Variants in EIF3H observed in about 807,000 individuals in gnomAD.
EIF3H encodes the protein eIF-3-gamma.
EIF3H carries 26 observed loss-of-function variants against 44.2 expected under a neutral mutation model. The observed-to-expected ratio is 0.59, with a 90% CI of 0.43 to 0.82. EIF3H has a LOEUF of 0.82. Ranked by LOEUF, EIF3H falls within the 40% of genes least tolerant of loss-of-function variation. The probability of loss-of-function intolerance (pLI) is 0.00; values close to 1 mark genes in which losing one functional copy is unlikely to be tolerated. For synonymous variants in EIF3H, 166 were observed against 151.9 expected (o/e 1.09, Z -0.68); for missense variants, 359 against 432.8 (o/e 0.83, Z 1.51).
chr8:116,707,230 T>C (rs949600095), intron 2 of EIF3H, among the ~76,000 whole-genome samples: 2 of 152,192 alleles, frequency 1.3e-5, no homozygotes, highest in Non-Finnish European at 2.9e-5. Context: ...CTAAAAAATA[T>C]CAGTCCACAT....
intron 1 of EIF3H, among the ~76,000 whole-genome samples, chr8:116,750,017 T>C (rs1815300746): frequency 6.6e-6 from 1 of 152,420 alleles, no homozygotes; most frequent in African/African-American, 2.4e-5. Flanking sequence ...ATGAGATTAA[T>C]CTCTGGGTTC....
intron 2 of EIF3H, among the ~76,000 whole-genome samples, chr8:116,679,234 G>A (rs1813918718): frequency 4.8e-5 from 3 of 62,798 alleles, no homozygotes; most frequent in African/African-American, 5.3e-5. Context: ...CTGCCCGGCC[G>A]CCCCTACTGG....
chr8:116,717,198 T>C (rs747066287), intron 2 of EIF3H, among the ~76,000 whole-genome samples: 1 of 151,954 alleles, frequency 6.6e-6, no homozygotes, highest in East Asian at 1.9e-4. Context: ...AGCAAGGAGG[T>C]GAAAAACCTC....
chr8:116,678,039 A>G (rs992674842), intron 2 of EIF3H, among the ~76,000 whole-genome samples: 2 of 151,830 alleles, frequency 1.3e-5, no homozygotes, highest in Non-Finnish European at 2.9e-5. Flanking sequence ...TCTGATGCCG[A>G]GCCAAAGCTG....
At chr8:116,684,361 A>G (rs1814039185) in intron 2 of EIF3H, among the ~76,000 whole-genome samples, 1 of 152,222 alleles carries the variant, frequency 6.6e-6, no homozygotes, top group Non-Finnish European at 1.5e-5. Context: ...ATCCACTGTA[A>G]AACTGTTCTT....
chr8:116,678,163 T>G (rs12547824), intron 2 of EIF3H, among the ~76,000 whole-genome samples: 80,344 of 144,708 alleles, frequency 0.56, 23,390 homozygotes, highest in Non-Finnish European at 0.67. Context: ...CTGGTTTTCG[T>G]TTTTTTTTTT....
intron 7 of EIF3H, among the ~76,000 whole-genome samples, chr8:116,646,199 T>C (rs1813294383): frequency 6.6e-6 from 1 of 152,188 alleles, no homozygotes; most frequent in South Asian, 2.1e-4. Context: ...TTTTCTGGGT[T>C]TCCATGAAAA....
At chr8:116,673,943 G>A (rs1304575098) in intron 2 of EIF3H, among the ~76,000 whole-genome samples, 7 of 151,562 alleles carry the variant, frequency 4.6e-5, no homozygotes, top group South Asian at 4.2e-4. Context: ...GGTGGTGGGC[G>A]CCTGTAGTCC....
chr8:116,673,025 C>A (rs61462219), intron 2 of EIF3H, among the ~76,000 whole-genome samples: 139 of 110,772 alleles, frequency 1.3e-3, no homozygotes, highest in Admixed American at 5.4e-3. Context: ...AAAAAAAAAA[C>A]ACCACAAAAA....
intron 1 of EIF3H, chr8:116,737,415 G>T (rs1815060667): frequency 1.9e-5 from 7 of 370,946 alleles, no homozygotes; most frequent in Middle Eastern, 9.0e-4. Context: ...CAGCACTCTG[G>T]GAGGCTGAGG....
At chr8:116,707,862 G>A (rs376037929) in intron 2 of EIF3H, among the ~76,000 whole-genome samples, 3 of 152,124 alleles carry the variant, frequency 2.0e-5, no homozygotes, top group East Asian at 3.9e-4. Context: ...ACCATTCCCC[G>A]AACTAAGTCT....
chr8:116,653,079 A>G (rs1335920833), intron 5 of EIF3H, among the ~76,000 whole-genome samples: 3 of 152,182 alleles, frequency 2.0e-5, no homozygotes, highest in South Asian at 2.1e-4. Context: ...TAGGGAAAAA[A>G]TAACAGCACA....
chr8:116,688,100 A>G (rs544041638), intron 2 of EIF3H, among the ~76,000 whole-genome samples: 3 of 152,290 alleles, frequency 2.0e-5, no homozygotes, highest in African/African-American at 7.2e-5. Flanking sequence ...GGAAAATTGT[A>G]GAAACATACC....
At chr8:116,679,124 G>T (rs368421145) in intron 2 of EIF3H, among the ~76,000 whole-genome samples, 5,866 of 56,240 alleles carry the variant, frequency 0.1, 721 homozygotes, top group African/African-American at 0.17. Flanking sequence ...GGGAGGGGGG[G>T]TCAGCCCCCT....
intron 2 of EIF3H, among the ~76,000 whole-genome samples, chr8:116,700,573 T>TA (rs1210392947): frequency 6.6e-6 from 1 of 152,134 alleles, no homozygotes; most frequent in East Asian, 1.9e-4. Flanking sequence ...CTCTACTTTT[T>TA]ACCAACTATT....
At chr8:116,702,664 G>A (rs1418173993) in intron 2 of EIF3H, among the ~76,000 whole-genome samples, 1 of 152,178 alleles carries the variant, frequency 6.6e-6, no homozygotes, top group South Asian at 2.1e-4. Context: ...GAAGAATATG[G>A]TATCAATGAG....
At chr8:116,764,397 C>G (rs116517955) in intron 1 of EIF3H, among the ~76,000 whole-genome samples, 1 of 152,158 alleles carries the variant, frequency 6.6e-6, no homozygotes, top group African/African-American at 2.4e-5. Context: ...CATTTGGCAT[C>G]TAAACAAAAG....
At chr8:116,666,455 C>G (rs940523539) in intron 2 of EIF3H, among the ~76,000 whole-genome samples, 2 of 151,918 alleles carry the variant, frequency 1.3e-5, no homozygotes, top group African/African-American at 4.8e-5. Flanking sequence ...TCTTCTTAAC[C>G]AAATCATGAA....
chr8:116,720,913 T>C (rs181433546), intron 2 of EIF3H, among the ~76,000 whole-genome samples: 3 of 152,154 alleles, frequency 2.0e-5, no homozygotes, highest in Non-Finnish European at 2.9e-5. Context: ...CATTCAGTTT[T>C]AAAAGGGAAA....
Sources: allele counts gnomAD v4.1 joint callset (sites outside exome capture counted in the v4.1 genomes callset), GRCh38; gene constraint gnomAD v4.1.1; transcripts MANE v1.5; gene names NCBI Gene and HGNC (gene_info 2026-07-23, HGNC 2026-07-21).